ZSCAN30: variants seen among roughly 807,000 people sequenced by gnomAD.
ZSCAN30 encodes zinc finger and SCAN domain-containing protein 30.
A neutral mutation model predicts 44.3 loss-of-function variants in ZSCAN30; 37 were observed. The ratio of observed to expected loss-of-function variants is 0.84; its 90% CI spans 0.64 to 1.10. The LOEUF (loss-of-function observed/expected upper bound fraction) is 1.10, where lower values mean the gene tolerates loss of function less well. Ranked by LOEUF, ZSCAN30 falls within the 50% of genes least tolerant of loss-of-function variation. ZSCAN30 has a pLI of 0.00. For missense variants in ZSCAN30, 549 were observed against 582.6 expected, an observed-to-expected ratio of 0.94 and a Z score of 0.59; for synonymous variants, 181 against 204.6, an observed-to-expected ratio of 0.88 and a Z score of 0.98.
In ZSCAN30 at chr18:35,264,041, C is replaced by A. The variant is rs749362126; in HGVS notation, c.312G>T (p.Leu104=). 1.2e-6 allele frequency: 2 copies of A among 1,614,200 alleles called. No individual in the cohort carries two copies. The highest frequency in any genetic ancestry group is 3.3e-4 in the Middle Eastern group (2 of 6,062). ...GCCGATGCTCTCGCAGCCAAGCTTG[C>A]AGCTCCTCAGGAAGGATGGCCAGGA... ...EQFLAILPEE[L]QAWLREHRPE... Residue 104 remains leucine, a synonymous_variant, in exon 2 of 4, where the codon CTG becomes CTT. Coordinates refer to ENST00000333206, the MANE Select transcript of ZSCAN30 (RefSeq NM_001112734.4).
At position 35,253,433 on chromosome 18, in the gene ZSCAN30, A is replaced by G; in HGVS notation, c.*17T>C. On this transcript the variant is annotated 3_prime_UTR_variant, in exon 4 of 4. Coordinates refer to ENST00000333206, the MANE Select transcript of ZSCAN30 (RefSeq NM_001112734.4). ...AACTCCTTGCATTTCACAATTGTAC[A>G]ACTCTTACCCACAGAGTTAAACTCT... 1 of 1,536,580 alleles carries G rather than the reference A, an allele frequency of 6.5e-7. No homozygotes were observed. Among genetic ancestry groups the G allele is most frequent in the Non-Finnish European group, 8.8e-7 (1 of 1,141,914 alleles).
intron 1 of ZSCAN30, chr18:35,281,110 A>G (rs1231828114): frequency 2.6e-5 from 4 of 152,224 alleles, no homozygotes; most frequent in African/African-American, 9.6e-5. Context: ...AGTTAGACAT[A>G]TATTAGTACA....
chr18:35,259,641 G>A (rs2043969948), intron 3 of ZSCAN30: 1 of 154,204 alleles, frequency 6.5e-6, no homozygotes, highest in East Asian at 1.9e-4. Flanking sequence ...AAAAAATGCA[G>A]TCATACTCTA....
intron 3 of ZSCAN30, chr18:35,261,481 A>G (rs750708309): frequency 6.6e-6 from 1 of 152,214 alleles, no homozygotes; most frequent in African/African-American, 2.4e-5. Flanking sequence ...CTTCCTATCC[A>G]TAAGCATGGA....
At chr18:35,265,213 AGGGAGCAGCAGAACTGG>A (rs2044123688) in intron 1 of ZSCAN30, among the ~76,000 whole-genome samples, 1 of 152,150 alleles carries the variant, frequency 6.6e-6, no homozygotes, top group Non-Finnish European at 1.5e-5. Context: ...AAAGACAGCC[AGGGAGCAGCAGAACTGG>A]GCTCTGCAAC....
At chr18:35,258,091 T>C in intron 3 of ZSCAN30, 1 of 730,138 alleles carries the variant, frequency 1.4e-6, no homozygotes. Flanking sequence ...CATATCACAG[T>C]GGGCCTCTCC....
intron 1 of ZSCAN30, among the ~76,000 whole-genome samples, chr18:35,270,549 C>G (rs2044249289): frequency 6.6e-6 from 1 of 152,058 alleles, no homozygotes; most frequent in Non-Finnish European, 1.5e-5. Context: ...TTTTTTAATT[C>G]AGAATTTCTC....
intron 1 of ZSCAN30, among the ~76,000 whole-genome samples, chr18:35,276,985 A>G (rs1033107662): frequency 2.0e-5 from 3 of 152,234 alleles, no homozygotes; most frequent in Non-Finnish European, 2.9e-5. Context: ...GCCCAAGGCT[A>G]TGCAAGCCCA....
Position 35,253,524 on chromosome 18 carries a change from A to C in ZSCAN30, c.1411T>G (p.Cys471Gly). ...CTAAATGTTTTTCTACATTCACTAC[A>C]TTCATAAGGCTTCTCTCCAGTGTGA... is the stretch of plus-strand genomic sequence containing the variant. ...RIHTGEKPYECSECRKTFRHR... is the reference protein window; with the variant it reads ...RIHTGEKPYEGSECRKTFRHR... Residue 471 changes from cysteine (C) to glycine (G), a missense_variant, in exon 4 of 4, where the codon TGT becomes GGT. Physicochemically the swap from Cys to Gly is radical, Grantham distance 159. Coordinates refer to ENST00000333206, the MANE Select transcript of ZSCAN30 (RefSeq NM_001112734.4). The C allele has an allele frequency of 6.2e-7, 1 of 1,613,092 alleles. No homozygotes were observed. The highest frequency in any genetic ancestry group is 8.5e-7 in the Non-Finnish European group (1 of 1,179,166).
chr18:35,265,009 G>C (rs1323821639), intron 1 of ZSCAN30, among the ~76,000 whole-genome samples: 2 of 152,108 alleles, frequency 1.3e-5, no homozygotes, highest in Non-Finnish European at 1.5e-5. Flanking sequence ...AGCCGGGCGT[G>C]GTGGCGGGCG....
chr18:35,278,883 T>C (rs906435787), intron 1 of ZSCAN30, among the ~76,000 whole-genome samples: 3 of 152,248 alleles, frequency 2.0e-5, no homozygotes, highest in South Asian at 2.1e-4. Flanking sequence ...TTCTAATACA[T>C]GTTCCTCCTT....
chr18:35,269,515 C>A (rs531428266), intron 1 of ZSCAN30: 1 of 150,180 alleles, frequency 6.7e-6, no homozygotes, highest in African/African-American at 2.4e-5. Flanking sequence ...ATCTGCAGGG[C>A]AGGTATGGGG....
chr18:35,267,604 G>C (rs548613499), intron 1 of ZSCAN30: 2 of 152,340 alleles, frequency 1.3e-5, no homozygotes, highest in Non-Finnish European at 2.9e-5. Flanking sequence ...GGCAGGCGCG[G>C]GTCGTGTCTC....
In ZSCAN30 at chr18:35,253,797, T is replaced by C. The variant is rs1457441995; in HGVS notation, c.1138A>G (p.Thr380Ala). The change falls in exon 4 of 4, where the codon ACT becomes GCT. Residue 380 changes from threonine (T) to alanine (A), a missense_variant. Thr to Ala is a moderately conservative substitution (Grantham distance 58). Transcript: ENST00000333206. Reference protein sequence around the residue: ...SELIRHRRIHTGEKPYECGEC... With the variant: ...SELIRHRRIHAGEKPYECGEC... ...CCACATTCATAAGGCTTCTCTCCAG[T>C]GTGGATTCTCCGATGCCTGATGAGC... The C allele has an allele frequency of 1.2e-6, 2 of 1,614,176 alleles. No homozygotes were observed. Among genetic ancestry groups the C allele is most frequent in the South Asian group, 2.2e-5 (2 of 91,086 alleles).
intron 1 of ZSCAN30, among the ~76,000 whole-genome samples, chr18:35,280,054 C>A (rs1003061530): frequency 6.6e-6 from 1 of 152,068 alleles, no homozygotes; most frequent in Non-Finnish European, 1.5e-5. Context: ...GGTGGGTAGA[C>A]TGATTGAGCC....
At chr18:35,271,969 C>CCGGAACT (rs2044289192) in intron 1 of ZSCAN30, among the ~76,000 whole-genome samples, 2 of 152,150 alleles carry the variant, frequency 1.3e-5, no homozygotes, top group South Asian at 4.1e-4. Flanking sequence ...CCGCGCCCAC[C>CCGGAACT]CGGAACTCGC....
chr18:35,285,439 A>T lies in ZSCAN30; in HGVS notation c.-104+4645T>A, dbSNP rs188468948. 2.1e-4 allele frequency among the ~76,000 whole-genome samples: 32 copies of T among 152,354 alleles called. No individual in the cohort carries two copies. The South Asian group carries it at 4.1e-3, about 20-fold the overall frequency. ...AGTCAACCCAACAGCAGCAGAATATATTAATATATCCTTCTCAAATGTGCA... is the reference window on the plus strand; with the variant it reads ...AGTCAACCCAACAGCAGCAGAATATTTTAATATATCCTTCTCAAATGTGCA... On this transcript the variant is annotated intron_variant, in intron 1 of 3. Transcript: ENST00000333206.
At chr18:35,258,230 G>C in intron 3 of ZSCAN30, 1 of 493,990 alleles carries the variant, frequency 2.0e-6, no homozygotes, top group Non-Finnish European at 3.7e-6. Context: ...ACCCAGTCAA[G>C]GCCATTCATG....
Position 35,253,658 on chromosome 18 carries a change from G to A in ZSCAN30, c.1277C>T (p.Ser426Phe). Residue 426 changes from serine (S) to phenylalanine (F), a missense_variant, in exon 4 of 4, where the codon TCT (serine) becomes TTT (phenylalanine). By Grantham distance (155) the Ser-to-Phe change is radical. Coordinates refer to ENST00000333206, the MANE Select transcript of ZSCAN30 (RefSeq NM_001112734.4). ...AATTCTTTGATGTTCAATAAGGATA[G>A]AACTCCTACCAAAAGCCTTACCACA... The part of the protein sequence containing the change: ...IACGKAFGRS[S>F]ILIEHQRIHT... The A allele has an allele frequency of 1.9e-6, 3 of 1,614,088 alleles. No individual in the cohort carries two copies. The highest frequency in any genetic ancestry group is 1.7e-6 in the Non-Finnish European group (2 of 1,180,002).
Sources: gnomAD v4.1 joint callset for allele counts (sites outside exome capture counted in the v4.1 genomes callset) on GRCh38, gnomAD v4.1.1 for gene constraint, MANE v1.5 for transcripts, NCBI Gene and HGNC (gene_info 2026-07-23, HGNC 2026-07-21) for gene names.